Variants in ATRX observed in about 807,000 individuals in gnomAD.
ATRX encodes ATRX chromatin remodeler, also known as chromatin remodeler ATRX.
A neutral mutation model predicts 172.6 loss-of-function variants in ATRX; 12 were observed. The observed-to-expected ratio is 0.07, with a 90% CI of 0.04 to 0.11. The LOEUF is 0.11. ATRX is among the 10% of genes least tolerant of loss of function. The probability of loss-of-function intolerance (pLI) is 1.00; values close to 1 mark genes in which losing one functional copy is unlikely to be tolerated. For synonymous variants in ATRX, 674 were observed against 594.7 expected (o/e 1.13, Z -1.94); for missense variants, 1,368 against 1,767.4 (o/e 0.77, Z 4.05).
chrX:77,724,334 GA>G (rs201653117), intron 1 of ATRX, among the ~76,000 whole-genome samples: 1 of 96,866 alleles, frequency 1.0e-5, no homozygotes, highest in East Asian at 3.3e-4. Context: ...GGAAAAAAAA[GA>G]AAAAAAAACA....
intron 19 of ATRX, among the ~76,000 whole-genome samples, chrX:77,624,031 T>C (rs1034477827): frequency 1.2e-4 from 13 of 111,484 alleles, no homozygotes; most frequent in African/African-American, 1.6e-4. Context: ...CTCTTCAACA[T>C]AGTACTGGAA....
At chrX:77,546,286 G>A (rs2064238510) in intron 30 of ATRX, among the ~76,000 whole-genome samples, 1 of 111,281 alleles carries the variant, frequency 9.0e-6, no homozygotes, top group Non-Finnish European at 1.9e-5. Context: ...AAAATCCTTA[G>A]CACAGTTCCT....
At chrX:77,734,871 G>A (rs2074469901) in intron 1 of ATRX, among the ~76,000 whole-genome samples, 1 of 110,049 alleles carries the variant, frequency 9.1e-6, no homozygotes, top group Non-Finnish European at 1.9e-5. Flanking sequence ...AGTAATTTGG[G>A]GGGCCGAGGC....
Position 77,683,237 on chromosome X carries a change from T to C in ATRX, c.2019A>G (p.Val673=), listed in dbSNP as rs2148608977. Residue 673 remains valine (V), a synonymous_variant, in exon 9 of 35, where the codon GTA becomes GTG. Coordinates refer to ENST00000373344, the MANE Select transcript of ATRX (RefSeq NM_000489.6). ...TACATTCTTCATCTGAATTAGATGT[T>C]ACAGGGTTAGTTTCTGTCGGTCGCC... ...PLRRPTETNP[V]TSNSDEECNE... 2 of 1,211,500 alleles carry C rather than the reference T, an allele frequency of 1.7e-6. No individual in the cohort carries two copies. Among genetic ancestry groups the C allele is most frequent in the Non-Finnish European group, 2.2e-6 (2 of 895,263 alleles).
chrX:77,630,559 T>C (rs782713484), intron 19 of ATRX, among the ~76,000 whole-genome samples: 1 of 112,137 alleles, frequency 8.9e-6, no homozygotes, highest in South Asian at 3.7e-4. Flanking sequence ...AATACAATAA[T>C]ATTGAGAGCC....
At chrX:77,692,846 AGTGTGTGTGTGTGTGTGTGTGT>A (rs3063059) in intron 6 of ATRX, among the ~76,000 whole-genome samples, 4 of 82,106 alleles carry the variant, frequency 4.9e-5, no homozygotes, top group East Asian at 4.2e-4. Flanking sequence ...CCAATATTAG[AGTGTGTGTGTGTGTGTGTGTGT>A]GTGTGTGTGT....
intron 22 of ATRX, among the ~76,000 whole-genome samples, chrX:77,607,570 G>A (rs1038453227): frequency 7.4e-5 from 8 of 108,790 alleles, no homozygotes; most frequent in Admixed American, 4.0e-4. Context: ...AAAAATTAGC[G>A]GAGCATGGTG....
intron 22 of ATRX, among the ~76,000 whole-genome samples, chrX:77,611,697 TA>T (rs1266323652): frequency 1.8e-5 from 2 of 110,633 alleles, no homozygotes; most frequent in African/African-American, 6.6e-5. Context: ...TCTCTCTATA[TA>T]AAAAATGTTT....
Position 77,786,086 on chromosome X carries a change from C to T in ATRX, c.-85G>A. 1 of 1,074,052 alleles carries T rather than the reference C, an allele frequency of 9.3e-7. No homozygotes were observed. The highest frequency in any genetic ancestry group is 1.3e-6 in the Non-Finnish European group (1 of 792,014). The allele number at this position is 1,074,052 out of a possible 1,213,427, so 88.5% of individuals were successfully genotyped here. A position where few individuals can be genotyped will look rare whatever the true frequency, so the allele number is the denominator to read the frequency against. On this transcript the variant is annotated 5_prime_UTR_variant, in exon 1 of 35. In the 5' UTR this introduces an upstream ATG that the reference lacks. Transcript: ENST00000373344. ...CGCGCCCGGTTACGATAGAAATGCA[C>T]TGGAGTCTTAGTCGTCACTGTAGCT...
In ATRX at chrX:77,620,543, A is replaced by T. The variant is rs781935717; in HGVS notation, c.5135-11T>A. The stretch of plus-strand genomic sequence containing the variant: ...CAACAAAATCAGGGCCTACAAAAAT[A>T]AACAGAAAAATAACACAATTAATAT... On this transcript the variant is annotated splice_polypyrimidine_tract_variant and intron_variant, in intron 19 of 34. Coordinates refer to ENST00000373344, the MANE Select transcript of ATRX (RefSeq NM_000489.6). 2 of 1,180,437 alleles carry T rather than the reference A, an allele frequency of 1.7e-6. No homozygotes were observed. The highest frequency in any genetic ancestry group is 3.6e-5 in the South Asian group (2 of 54,964).
At chrX:77,721,558 A>T (rs2073770349) in intron 1 of ATRX, among the ~76,000 whole-genome samples, 1 of 111,696 alleles carries the variant, frequency 9.0e-6, no homozygotes, top group Non-Finnish European at 1.9e-5. Flanking sequence ...TCATGAGTGA[A>T]TTCCTATTAA....
chrX:77,652,393 C>A, intron 14 of ATRX, 40 bp from the exon 15 acceptor site: 1 of 1,136,895 alleles, frequency 8.8e-7, no homozygotes. Flanking sequence ...AGTACAAAGT[C>A]ATTTAATTTA....
At chrX:77,510,847 G>A (rs905366939) in intron 34 of ATRX, among the ~76,000 whole-genome samples, 4 of 112,536 alleles carry the variant, frequency 3.6e-5, no homozygotes, top group Non-Finnish European at 5.6e-5. Flanking sequence ...TCTTGGGATC[G>A]GCCTAGGGCT....
At chrX:77,574,730 C>T (rs1469336352) in intron 27 of ATRX, among the ~76,000 whole-genome samples, 2 of 111,627 alleles carry the variant, frequency 1.8e-5, no homozygotes, top group Non-Finnish European at 3.8e-5. Context: ...TTCTCCTTAT[C>T]AACAACTTGA....
In ATRX at chrX:77,684,247, C is replaced by A. The variant is rs977747361; in HGVS notation, c.1009G>T (p.Gly337Cys). Residue 337 changes from glycine to cysteine, a missense_variant, in exon 9 of 35, where the codon GGC (glycine) becomes TGC (cysteine). Around this residue, in one of 17 missense-constraint regions of ATRX, gnomAD observed 843 missense variants for 643.1 expected, o/e 1.31. Transcript: ENST00000373344. ...GCGGAATAAGAGTAGGTTACAGAGC[C>A]AGAACAGGAATCATCTAATTTCTTT... The part of the protein sequence containing the change: ...EEKKLDDSCS[G>C]SVTYSYSALI... 3 of 1,209,062 alleles carry A rather than the reference C, an allele frequency of 2.5e-6. No homozygotes were observed. Among genetic ancestry groups the A allele is most frequent in the African/African-American group, 1.7e-5 (1 of 57,324 alleles).
chrX:77,652,109 G>A lies in ATRX; in HGVS notation c.4557+5C>T, dbSNP rs2148435077. The A allele has an allele frequency of 8.3e-7, 1 of 1,209,015 alleles. No individual in the cohort carries two copies. Among genetic ancestry groups the A allele is most frequent in the Non-Finnish European group, 1.1e-6 (1 of 893,907 alleles). ...AAGAAAAAGAAGAAGAAAGAAATTAGTTACCTCTCTCAATTTTTCTCGCTC... is the reference window on the plus strand; with the variant it reads ...AAGAAAAAGAAGAAGAAAGAAATTAATTACCTCTCTCAATTTTTCTCGCTC... On this transcript the variant is annotated splice_donor_5th_base_variant and intron_variant, in intron 15 of 34. Coordinates refer to ENST00000373344, the MANE Select transcript of ATRX (RefSeq NM_000489.6).
At chrX:77,755,134 G>A (rs2075441831) in intron 1 of ATRX, among the ~76,000 whole-genome samples, 1 of 112,321 alleles carries the variant, frequency 8.9e-6, no homozygotes, top group Non-Finnish European at 1.9e-5. Context: ...TTTGACTATT[G>A]ATACATGTGT....
chrX:77,784,356 A>T (rs2076663452), intron 1 of ATRX, among the ~76,000 whole-genome samples: 1 of 112,667 alleles, frequency 8.9e-6, no homozygotes, highest in Admixed American at 9.4e-5. Flanking sequence ...CAAGACTAGT[A>T]AGAAAAACTG....
chrX:77,695,336 A>G (rs1012508205), intron 5 of ATRX, among the ~76,000 whole-genome samples: 25 of 111,864 alleles, frequency 2.2e-4, no homozygotes, highest in African/African-American at 7.5e-4. Flanking sequence ...AATAAATATT[A>G]CAACAATAAT....
Sources: gnomAD v4.1 joint callset for allele counts (sites outside exome capture counted in the v4.1 genomes callset) on GRCh38, gnomAD v4.1.1 for gene constraint, gnomAD v4.1.1 regional missense constraint, MANE v1.5 for transcripts, NCBI Gene and HGNC (gene_info 2026-07-23, HGNC 2026-07-21) for gene names.